Variants in KHDRBS2 observed in about 807,000 individuals in gnomAD.
KHDRBS2 encodes KH RNA binding domain containing, signal transduction associated 2, also known as KH domain-containing, RNA-binding, signal transduction-associated protein 2.
Under a neutral mutation model 44.3 loss-of-function variants are expected in KHDRBS2, and 26 were observed. The observed-to-expected ratio is 0.59, with a 90% confidence interval of 0.43 to 0.81. The LOEUF (loss-of-function observed/expected upper bound fraction) is 0.81, where lower values mean the gene tolerates loss of function less well. Ranked by LOEUF, KHDRBS2 falls within the 40% of genes least tolerant of loss-of-function variation. The pLI is 0.00. For missense variants in KHDRBS2, 476 were observed against 433.1 expected (o/e 1.10, Z -0.88); for synonymous variants, 194 against 151.1 (o/e 1.28, Z -2.08).
the KHDRBS2 span, among the ~76,000 whole-genome samples, chr6:61,602,783 C>T: frequency 6.6e-6 from 1 of 152,124 alleles, no homozygotes; most frequent in Non-Finnish European, 1.5e-5. Context: ...TCTTAAAACT[C>T]CCCAACTCTG....
At chr6:62,131,164 TTA>T (rs890898933) in intron 2 of KHDRBS2, among the ~76,000 whole-genome samples, 4 of 152,204 alleles carry the variant, frequency 2.6e-5, no homozygotes, top group African/African-American at 9.7e-5. Context: ...CCTAGTAATC[TTA>T]TATGTTTGCC....
chr6:61,721,101 T>C (rs1772423735), intron 7 of KHDRBS2, among the ~76,000 whole-genome samples: 1 of 151,950 alleles, frequency 6.6e-6, no homozygotes, highest in African/African-American at 2.4e-5. Flanking sequence ...ATATGCGGCA[T>C]TATTTCTGAG....
At chr6:62,041,090 C>T (rs1209299898) in intron 3 of KHDRBS2, among the ~76,000 whole-genome samples, 4 of 151,878 alleles carry the variant, frequency 2.6e-5, no homozygotes, top group East Asian at 1.9e-4. Flanking sequence ...CAGCACTTTC[C>T]GAGGCTGAGG....
chr6:61,668,172 A>T, the KHDRBS2 span, among the ~76,000 whole-genome samples: 624 of 151,172 alleles, frequency 4.1e-3, 1 homozygote, highest in African/African-American at 0.014. Flanking sequence ...AGGTTCAAAA[A>T]CACTGTCTCT....
chr6:61,862,361 T>C lies in KHDRBS2; in HGVS notation c.810+32274A>G, dbSNP rs191826478. On this transcript the variant is annotated intron_variant, in intron 6 of 8. Coordinates refer to ENST00000281156, the MANE Select transcript of KHDRBS2 (RefSeq NM_152688.4). ...CCAGAACTTCCAATACTATGTAGAA[T>C]AGGAGTGGTGACAGAGGGCATGCTT... 9.2e-5 allele frequency among the ~76,000 whole-genome samples: 14 copies of C among 152,194 alleles called. No homozygotes were observed. The East Asian group carries it at 2.5e-3, about 27-fold the overall frequency.
chr6:62,117,088 C>A (rs1410160705), intron 2 of KHDRBS2, among the ~76,000 whole-genome samples: 3 of 152,094 alleles, frequency 2.0e-5, no homozygotes, highest in African/African-American at 7.2e-5. Context: ...CTTCAATATA[C>A]CGATCTTCTT....
the KHDRBS2 span, among the ~76,000 whole-genome samples, chr6:61,614,522 C>T: frequency 6.6e-6 from 1 of 152,118 alleles, no homozygotes; most frequent in Non-Finnish European, 1.5e-5. Flanking sequence ...ACAGTAGTTT[C>T]ATCTGTTCAG....
At chr6:61,565,333 T>C in the KHDRBS2 span, among the ~76,000 whole-genome samples, 1 of 151,762 alleles carries the variant, frequency 6.6e-6, no homozygotes, top group Admixed American at 6.6e-5. Context: ...CATCAAGCTA[T>C]AAAGCTTCTG....
the KHDRBS2 span, among the ~76,000 whole-genome samples, chr6:61,547,212 A>G: frequency 1.3e-5 from 2 of 152,136 alleles, no homozygotes; most frequent in Non-Finnish European, 2.9e-5. Context: ...ATGTTGAATC[A>G]AACAACGTTG....
chr6:61,774,290 TC>T (rs1478571879), intron 6 of KHDRBS2, among the ~76,000 whole-genome samples: 1 of 152,220 alleles, frequency 6.6e-6, no homozygotes. Context: ...GGAATGTTCT[TC>T]CATCTGTTTG....
chr6:61,781,348 C>T (rs185154000), intron 6 of KHDRBS2, among the ~76,000 whole-genome samples: 72 of 152,118 alleles, frequency 4.7e-4, no homozygotes, highest in Non-Finnish European at 9.1e-4. Context: ...AATGAAATTT[C>T]CTCTTAAAAA....
the KHDRBS2 span, among the ~76,000 whole-genome samples, chr6:61,601,411 C>A: frequency 6.6e-6 from 1 of 152,122 alleles, no homozygotes; most frequent in Admixed American, 6.5e-5. Flanking sequence ...GACTTAAAAT[C>A]TAAGCATCTT....
intron 5 of KHDRBS2, among the ~76,000 whole-genome samples, chr6:61,895,186 C>T (rs1307855430): frequency 6.6e-6 from 1 of 150,894 alleles, no homozygotes; most frequent in Non-Finnish European, 1.5e-5. Flanking sequence ...TCCAAATTCT[C>T]GAAGAAGACA....
intron 2 of KHDRBS2, among the ~76,000 whole-genome samples, chr6:62,118,626 A>C (rs976671967): frequency 4.6e-5 from 7 of 152,184 alleles, no homozygotes; most frequent in Admixed American, 3.9e-4. Flanking sequence ...TAGGAGAGGA[A>C]GACCTACCCT....
chr6:62,141,728 A>G (rs73491159), intron 2 of KHDRBS2, among the ~76,000 whole-genome samples: 1,775 of 152,178 alleles, frequency 0.012, 35 homozygotes, highest in African/African-American at 0.041. Context: ...ACTCTATCCT[A>G]AGTATTACTC....
intron 2 of KHDRBS2, among the ~76,000 whole-genome samples, chr6:62,111,112 T>A (rs1804900447): frequency 6.6e-6 from 1 of 152,144 alleles, no homozygotes; most frequent in Non-Finnish European, 1.5e-5. Context: ...GCAATTTAAT[T>A]GTATTTTTCA....
intron 4 of KHDRBS2, among the ~76,000 whole-genome samples, chr6:61,955,272 GTAAA>G (rs1362319992): frequency 7.1e-6 from 1 of 141,324 alleles, no homozygotes; most frequent in African/African-American, 2.6e-5. Flanking sequence ...ACATATACGT[GTAAA>G]TATACTCATA....
At chr6:62,123,111 A>G (rs2150084134) in intron 2 of KHDRBS2, among the ~76,000 whole-genome samples, 1 of 152,036 alleles carries the variant, frequency 6.6e-6, no homozygotes, top group East Asian at 1.9e-4. Context: ...CCATGTTCTC[A>G]TTGTTCAACT....
chr6:61,764,241 A>C (rs1779680656), intron 6 of KHDRBS2, among the ~76,000 whole-genome samples: 1 of 152,172 alleles, frequency 6.6e-6, no homozygotes, highest in African/African-American at 2.4e-5. Flanking sequence ...ATTGATGGGC[A>C]TTTGGGTTGA....
Sources: allele counts gnomAD v4.1 joint callset (sites outside exome capture counted in the v4.1 genomes callset), GRCh38; gene constraint gnomAD v4.1.1; transcripts MANE v1.5; gene names NCBI Gene and HGNC (gene_info 2026-07-23, HGNC 2026-07-21).